OCM: variants seen among roughly 807,000 people sequenced by gnomAD.
OCM encodes the protein oncomodulin, also known as oncomodulin-1.
Under a neutral mutation model 14.1 loss-of-function variants are expected in OCM, and 18 were observed. That is an observed-to-expected ratio of 1.28 (90% CI 0.88 to 1.89). The LOEUF is 1.89. Among genes scored for constraint, OCM ranks in the 40% most tolerant of loss-of-function variants. OCM has a pLI of 0.00. For missense variants in OCM, 140 were observed against 137.6 expected, an observed-to-expected ratio of 1.02 and a Z score of -0.09; for synonymous variants, 48 against 51.0, an observed-to-expected ratio of 0.94 and a Z score of 0.25.
At chr7:5,865,544 C>T in the OCM span, among the ~76,000 whole-genome samples, 3 of 152,172 alleles carry the variant, frequency 2.0e-5, no homozygotes, top group Admixed American at 2.0e-4. Context: ...ATCCCATTCC[C>T]ATAGCTTGTC....
At chr7:5,881,733 G>T (rs1463419083) in intron 1 of OCM, among the ~76,000 whole-genome samples, 1 of 152,066 alleles carries the variant, frequency 6.6e-6, no homozygotes, top group Non-Finnish European at 1.5e-5. Context: ...AGAGATCTGG[G>T]ATCTGAGCAC....
At position 5,886,308 on chromosome 7, in the gene OCM, T is replaced by G. The variant is rs757552418; in HGVS notation, c.*219T>G. On this transcript the variant is annotated 3_prime_UTR_variant, in exon 4 of 4. Transcript: ENST00000242104. Reference sequence around the variant, plus strand: ...CCCTGACAACTTCTGTAAGCCCCCCTTCCCCCAACAGGCAATGCCTCTAAA... The same window carrying G: ...CCCTGACAACTTCTGTAAGCCCCCCGTCCCCCAACAGGCAATGCCTCTAAA... The G allele has an allele frequency of 1.4e-4, 75 of 548,532 alleles. No homozygotes were observed. The highest frequency in any genetic ancestry group is 2.1e-4 in the Non-Finnish European group (63 of 305,576). 34.0% of individuals were successfully genotyped at this position (548,532 alleles called of 1,614,324 possible).
At chr7:5,867,038 C>T in the OCM span, among the ~76,000 whole-genome samples, 1,529 of 152,254 alleles carry the variant, frequency 0.01, 43 homozygotes, top group African/African-American at 0.036. Context: ...TATGGCCCAT[C>T]AATTAACAAA....
At chr7:5,863,454 G>A in the OCM span, among the ~76,000 whole-genome samples, 14 of 152,134 alleles carry the variant, frequency 9.2e-5, no homozygotes, top group South Asian at 2.1e-4. Flanking sequence ...GTGGAGTGAC[G>A]TGCTTGAGAG....
At chr7:5,881,175 C>T (rs1182007321) in intron 1 of OCM, among the ~76,000 whole-genome samples, 10 of 151,546 alleles carry the variant, frequency 6.6e-5, no homozygotes, top group Non-Finnish European at 1.0e-4. Context: ...AAAAATTAAC[C>T]GGGCGTGGTG....
At chr7:5,877,931 A>C (rs1039263071), upstream of OCM, among the ~76,000 whole-genome samples, 2 of 151,396 alleles carry the variant, frequency 1.3e-5, no homozygotes, top group African/African-American at 4.9e-5. Context: ...GACAAATACT[A>C]TATGATTACA....
chr7:5,884,061 G>A, intron 3 of OCM, 62 bp downstream of exon 3: 1 of 1,596,498 alleles, frequency 6.3e-7, no homozygotes, highest in South Asian at 1.1e-5. Flanking sequence ...GTGAGGGCTT[G>A]GGCTGTGAGA....
intron 2 of OCM, among the ~76,000 whole-genome samples, chr7:5,883,231 A>T (rs1396994503): frequency 6.6e-6 from 1 of 152,196 alleles, no homozygotes; most frequent in Non-Finnish European, 1.5e-5. Flanking sequence ...CACGCCTGTA[A>T]TTCCAGCTAC....
the OCM span, among the ~76,000 whole-genome samples, chr7:5,872,733 A>G: frequency 1.3e-5 from 2 of 152,048 alleles, no homozygotes; most frequent in Non-Finnish European, 2.9e-5. Flanking sequence ...GGACACAAAC[A>G]CTGCCGAAGG....
chr7:5,873,108 C>T, the OCM span, among the ~76,000 whole-genome samples: 1 of 152,104 alleles, frequency 6.6e-6, no homozygotes, highest in Non-Finnish European at 1.5e-5. Flanking sequence ...GGCACAGTGG[C>T]TCATACCTGT....
intron 1 of OCM, among the ~76,000 whole-genome samples, chr7:5,881,873 G>A (rs1327701700): frequency 5.3e-5 from 8 of 151,752 alleles, no homozygotes; most frequent in African/African-American, 1.9e-4. Flanking sequence ...CATCACTTGA[G>A]GTCAGGAGTT....
chr7:5,880,324 G>A (rs1304716269), upstream of OCM, among the ~76,000 whole-genome samples: 4 of 151,350 alleles, frequency 2.6e-5, no homozygotes, highest in Admixed American at 1.3e-4. Context: ...TCCTTCTTTG[G>A]GTCATTTTTT....
chr7:5,873,084 A>G, the OCM span, among the ~76,000 whole-genome samples: 2 of 151,898 alleles, frequency 1.3e-5, no homozygotes, highest in African/African-American at 4.8e-5. Flanking sequence ...AACTAAATTA[A>G]AAAATTAAGG....
At chr7:5,884,113 C>T (rs1252209385) in intron 3 of OCM, 114 bp downstream of exon 3, 14 of 1,101,128 alleles carry the variant, frequency 1.3e-5, no homozygotes, top group South Asian at 3.4e-5. Flanking sequence ...TTAAACTTAC[C>T]GAGCCTCAGT....
At chr7:5,873,863 C>T in the OCM span, among the ~76,000 whole-genome samples, 2 of 151,836 alleles carry the variant, frequency 1.3e-5, no homozygotes, top group African/African-American at 4.8e-5. Context: ...GTGCTCTCAA[C>T]TAGCCCATCA....
the OCM span, among the ~76,000 whole-genome samples, chr7:5,869,708 G>T: frequency 6.6e-6 from 1 of 151,938 alleles, no homozygotes; most frequent in African/African-American, 2.4e-5. Context: ...TCCCACCTGC[G>T]TTACCCCAGA....
At chr7:5,876,664 C>G (rs898606329), upstream of OCM, among the ~76,000 whole-genome samples, 2 of 152,166 alleles carry the variant, frequency 1.3e-5, no homozygotes, top group Non-Finnish European at 2.9e-5. Flanking sequence ...GCAGGTATCC[C>G]TGAGAGAAAC....
At chr7:5,864,145 G>C in the OCM span, among the ~76,000 whole-genome samples, 1 of 151,892 alleles carries the variant, frequency 6.6e-6, no homozygotes. Flanking sequence ...TGCAAGACCA[G>C]CCTGGGCAAC....
chr7:5,861,804 C>T, the OCM span, among the ~76,000 whole-genome samples: 4 of 152,042 alleles, frequency 2.6e-5, no homozygotes, highest in South Asian at 6.2e-4. Flanking sequence ...GTCTCAAACC[C>T]CTGGGCTCAA....
Sources: gnomAD v4.1 joint callset for allele counts (sites outside exome capture counted in the v4.1 genomes callset) on GRCh38, gnomAD v4.1.1 for gene constraint, MANE v1.5 for transcripts, NCBI Gene and HGNC (gene_info 2026-07-23, HGNC 2026-07-21) for gene names.